Variants in KLHL1 observed in about 807,000 individuals in gnomAD.
The protein encoded by KLHL1 is kelch like family member 1, also known as kelch-like protein 1.
Under a neutral mutation model 77.7 loss-of-function variants are expected in KLHL1, and 47 were observed. The observed-to-expected ratio is 0.60, with a 90% CI of 0.48 to 0.77. KLHL1 has a LOEUF of 0.77. Among genes scored for constraint, KLHL1 ranks in the 30% least tolerant of loss-of-function variants. KLHL1 has a pLI of 0.00. For synonymous variants in KLHL1, 360 were observed against 325.2 expected (o/e 1.11, Z -1.15); for missense variants, 925 against 910.8 (o/e 1.02, Z -0.20).
chr13:69,888,869 C>A (rs1272667524), intron 4 of KLHL1, among the ~76,000 whole-genome samples: 1 of 151,938 alleles, frequency 6.6e-6, no homozygotes, highest in African/African-American at 2.4e-5. Context: ...GAAAGCATCA[C>A]AACTATTTCC....
intron 8 of KLHL1, among the ~76,000 whole-genome samples, chr13:69,738,830 A>G (rs1207033673): frequency 1.3e-5 from 2 of 152,188 alleles, no homozygotes; most frequent in African/African-American, 4.8e-5. Context: ...AACGCACTTC[A>G]GGATATCATC....
chr13:70,015,288 A>G (rs1187733423), intron 1 of KLHL1, among the ~76,000 whole-genome samples: 1 of 152,196 alleles, frequency 6.6e-6, no homozygotes, highest in African/African-American at 2.4e-5. Context: ...AAACCTGTAC[A>G]GTATGTTACT....
In KLHL1 at chr13:69,927,053, G is replaced by A. The variant is rs574035971; in HGVS notation, c.1014+12987C>T. ...CAAGAGAATGCGGTACTGGCATAAAGACACACATAGTAATCAATGAAAAAG... is the reference window on the plus strand; with the variant it reads ...CAAGAGAATGCGGTACTGGCATAAAAACACACATAGTAATCAATGAAAAAG... On this transcript the variant is annotated intron_variant, in intron 4 of 10. Transcript: ENST00000377844. 5.6e-5 allele frequency among the ~76,000 whole-genome samples: 8 copies of A among 142,788 alleles called. No homozygotes were observed. The East Asian group carries it at 1.7e-3, about 30-fold the overall frequency. 93.7% of individuals were successfully genotyped at this position (142,788 alleles called of 152,430 possible).
chr13:69,959,689 T>G (rs1328525670), intron 3 of KLHL1, among the ~76,000 whole-genome samples: 1 of 151,728 alleles, frequency 6.6e-6, no homozygotes, highest in African/African-American at 2.4e-5. Flanking sequence ...GCCTGAACAT[T>G]GTATCTTTGA....
At chr13:69,959,861 T>C (rs1038356407) in intron 3 of KLHL1, among the ~76,000 whole-genome samples, 1 of 151,936 alleles carries the variant, frequency 6.6e-6, no homozygotes, top group African/African-American at 2.4e-5. Context: ...AAACACAGAT[T>C]GGCCTGTGCT....
At chr13:69,874,540 A>G (rs1219575163) in intron 5 of KLHL1, among the ~76,000 whole-genome samples, 1 of 152,148 alleles carries the variant, frequency 6.6e-6, no homozygotes, top group Non-Finnish European at 1.5e-5. Context: ...TTTACTGCAG[A>G]TGTTTCACAA....
At chr13:69,959,153 G>A (rs1480814829) in intron 3 of KLHL1, among the ~76,000 whole-genome samples, 1 of 152,004 alleles carries the variant, frequency 6.6e-6, no homozygotes, top group Non-Finnish European at 1.5e-5. Flanking sequence ...CCCTCTACAA[G>A]CAGAGCCAAA....
intron 6 of KLHL1, 144 bp from the exon 7 acceptor site, chr13:69,797,106 G>GTA: frequency 1.5e-6 from 1 of 646,866 alleles, no homozygotes. Context: ...AACAAAAGGA[G>GTA]TAGTAATTCA....
chr13:70,024,835 T>C (rs187172323), intron 1 of KLHL1, among the ~76,000 whole-genome samples: 20 of 152,016 alleles, frequency 1.3e-4, no homozygotes, highest in African/African-American at 4.3e-4. Context: ...CCCTTAAAGA[T>C]AGTACAACAT....
chr13:70,075,673 A>C (rs894170773), intron 1 of KLHL1, among the ~76,000 whole-genome samples: 1 of 140,430 alleles, frequency 7.1e-6, no homozygotes, highest in Admixed American at 7.2e-5. Context: ...GTGTGTGTGT[A>C]TATATATATA....
intron 1 of KLHL1, among the ~76,000 whole-genome samples, chr13:70,053,529 T>C (rs1886676926): frequency 6.6e-6 from 1 of 152,178 alleles, no homozygotes; most frequent in East Asian, 1.9e-4. Flanking sequence ...TATAATACTC[T>C]TATGGAAGTC....
chr13:69,827,453 A>C (rs1328751152), intron 6 of KLHL1, among the ~76,000 whole-genome samples: 1 of 151,946 alleles, frequency 6.6e-6, no homozygotes, highest in East Asian at 1.9e-4. Flanking sequence ...AGTGAGTGTC[A>C]GGGCATGGTG....
At chr13:70,058,033 T>C (rs947987393) in intron 1 of KLHL1, among the ~76,000 whole-genome samples, 2 of 152,078 alleles carry the variant, frequency 1.3e-5, no homozygotes, top group African/African-American at 4.8e-5. Context: ...TTTGATAAAA[T>C]TCACATCCCT....
chr13:69,869,417 A>G (rs1880496289), intron 5 of KLHL1, among the ~76,000 whole-genome samples: 2 of 152,196 alleles, frequency 1.3e-5, no homozygotes, highest in Non-Finnish European at 2.9e-5. Flanking sequence ...TTTCTAAGAT[A>G]CTATTTCTTA....
chr13:70,082,410 T>C, intron 1 of KLHL1, among the ~76,000 whole-genome samples: 1 of 149,042 alleles, frequency 6.7e-6, no homozygotes, highest in South Asian at 2.1e-4. Flanking sequence ...GGATATAGAC[T>C]TGGGATTTAA....
At chr13:70,033,031 T>A (rs7319679) in intron 1 of KLHL1, among the ~76,000 whole-genome samples, 79,518 of 152,020 alleles carry the variant, frequency 0.52, 21,269 homozygotes, top group East Asian at 0.7. Flanking sequence ...TGTAAATACA[T>A]TTTTTCAAGC....
At chr13:69,828,387 T>C (rs1256492989) in intron 6 of KLHL1, among the ~76,000 whole-genome samples, 1 of 150,214 alleles carries the variant, frequency 6.7e-6, no homozygotes, top group East Asian at 1.9e-4. Flanking sequence ...CTGTAGGCAC[T>C]CTCAGTACCC....
At chr13:69,735,037 GAATT>G (rs1434951088) in intron 8 of KLHL1, among the ~76,000 whole-genome samples, 2 of 151,974 alleles carry the variant, frequency 1.3e-5, no homozygotes, top group African/African-American at 4.8e-5. Context: ...AAAAATTAAA[GAATT>G]AATGCAATAT....
intron 5 of KLHL1, among the ~76,000 whole-genome samples, chr13:69,879,305 T>C (rs1880891297): frequency 6.6e-6 from 1 of 152,190 alleles, no homozygotes; most frequent in Non-Finnish European, 1.5e-5. Context: ...TATGCTATAA[T>C]ATTGCTGTGA....
Sources: gnomAD v4.1 joint callset for allele counts (sites outside exome capture counted in the v4.1 genomes callset) on GRCh38, gnomAD v4.1.1 for gene constraint, MANE v1.5 for transcripts, NCBI Gene and HGNC (gene_info 2026-07-23, HGNC 2026-07-21) for gene names.